The following PBX1 variants were observed in gnomAD, a reference collection of about 807,000 sequenced individuals.
PBX1 encodes PBX homeobox 1.
In PBX1, 6 loss-of-function variants were observed where a neutral mutation model predicts 53.4. The observed-to-expected ratio is 0.11, with a 90% CI of 0.06 to 0.22. The LOEUF (loss-of-function observed/expected upper bound fraction) is 0.22, where lower values mean the gene tolerates loss of function less well. Ranked by LOEUF, PBX1 falls within the 10% of genes least tolerant of loss-of-function variation. PBX1 has a pLI of 1.00. For synonymous variants in PBX1, 204 were observed against 212.3 expected, an observed-to-expected ratio of 0.96 and a Z score of 0.34; for missense variants, 251 against 551.4, an observed-to-expected ratio of 0.46 and a Z score of 5.46.
chr1:164,832,985 AAGG>A lies in PBX1; in HGVS notation c.1200+11362_1200+11364del, dbSNP rs549235784. On this transcript the variant is annotated intron_variant, in intron 8 of 8. Coordinates refer to ENST00000420696, the MANE Select transcript of PBX1 (RefSeq NM_002585.4). The stretch of plus-strand genomic sequence containing the variant: ...AATTAAAGAACAATTAAAAAACAAT[AAGG>A]AGAGAAAATTAACAGGCCAAAATGA... Among the ~76,000 whole-genome samples the A allele has an allele frequency of 2.0e-3, 299 of 152,262 alleles. 1 individual carries two copies. Among genetic ancestry groups the A allele is most frequent in the Middle Eastern group, 6.8e-3 (2 of 292 alleles).
chr1:164,588,881 C>T (rs1318277617), intron 2 of PBX1, among the ~76,000 whole-genome samples: 3 of 152,096 alleles, frequency 2.0e-5, no homozygotes, highest in East Asian at 1.9e-4. Context: ...GAGGCTGTTT[C>T]TACCCTCCTA....
chr1:164,690,125 T>A (rs895131896), intron 2 of PBX1, among the ~76,000 whole-genome samples: 1 of 152,200 alleles, frequency 6.6e-6, no homozygotes, highest in Non-Finnish European at 1.5e-5. Context: ...ATTACATGCA[T>A]CCTGACCGGC....
intron 2 of PBX1, among the ~76,000 whole-genome samples, chr1:164,598,170 TGTATCCATTC>T (rs1655895744): frequency 3.3e-5 from 5 of 152,232 alleles, no homozygotes; most frequent in Non-Finnish European, 7.3e-5. Context: ...TTAATCCATT[TGTATCCATTC>T]GTGAGGGCAG....
At chr1:164,655,459 A>G (rs74881445) in intron 2 of PBX1, among the ~76,000 whole-genome samples, 2 of 144,488 alleles carry the variant, frequency 1.4e-5, no homozygotes, top group Non-Finnish European at 3.2e-5. Flanking sequence ...GCACCATGCT[A>G]TGGGAGTGTG....
At chr1:164,652,733 T>C (rs1388683350) in intron 2 of PBX1, among the ~76,000 whole-genome samples, 1 of 152,158 alleles carries the variant, frequency 6.6e-6, no homozygotes, top group African/African-American at 2.4e-5. Context: ...ACCTAAAATA[T>C]ACAGTTTGAA....
intron 4 of PBX1, among the ~76,000 whole-genome samples, chr1:164,801,905 C>T (rs1669096036): frequency 6.6e-6 from 1 of 152,198 alleles, no homozygotes. Context: ...TGCCAGACAT[C>T]CTGATTGGGG....
intron 2 of PBX1, among the ~76,000 whole-genome samples, chr1:164,869,482 T>C (rs1488264516): frequency 2.0e-5 from 3 of 152,160 alleles, no homozygotes; most frequent in African/African-American, 4.8e-5. Flanking sequence ...GAATCTCACA[T>C]TGAAGCTTCT....
chr1:164,653,627 A>G (rs1451433794), intron 2 of PBX1, among the ~76,000 whole-genome samples: 1 of 152,144 alleles, frequency 6.6e-6, no homozygotes, highest in African/African-American at 2.4e-5. Context: ...AAAATTAGCC[A>G]GGCGTGGTGG....
At chr1:164,662,805 T>C (rs947363357) in intron 2 of PBX1, among the ~76,000 whole-genome samples, 2 of 150,298 alleles carry the variant, frequency 1.3e-5, no homozygotes, top group Non-Finnish European at 3.0e-5. Context: ...TATGTCATTA[T>C]GTGCATGCAT....
In PBX1 at chr1:164,833,197, A is replaced by AAAAAACAAAAAC. The variant is rs148178589; in HGVS notation, c.1200+11577_1200+11588dup. Among the ~76,000 whole-genome samples the AAAAAACAAAAAC allele has an allele frequency of 1.3e-3, 202 of 151,246 alleles. No homozygotes were observed. The Middle Eastern group carries it at 0.017, about 13-fold the overall frequency. On this transcript the variant is annotated intron_variant, in intron 8 of 8. Coordinates refer to ENST00000420696, the MANE Select transcript of PBX1 (RefSeq NM_002585.4). Reference sequence around the variant, plus strand: ...CAGGGCAATAACCCTCCCCTCGCTAAAAAAACAAAAACAAAAAAAAACAAA... The same window carrying AAAAAACAAAAAC: ...CAGGGCAATAACCCTCCCCTCGCTAAAAAAACAAAAACAAAAACAAAAACAAAAAAAAACAAA...
intron 1 of PBX1, 82 bp downstream of exon 1, chr1:164,560,095 C>A: frequency 2.0e-6 from 2 of 1,009,334 alleles, no homozygotes; most frequent in African/African-American, 1.7e-5. Context: ...GGAACCGAAT[C>A]ACCACAGCGC....
At chr1:164,698,756 A>G (rs1662934567) in intron 2 of PBX1, among the ~76,000 whole-genome samples, 1 of 152,256 alleles carries the variant, frequency 6.6e-6, no homozygotes, top group South Asian at 2.1e-4. Flanking sequence ...CAGACTATAT[A>G]CATGATAATC....
chr1:164,852,332 G>A (rs1671873361), downstream of PBX1, among the ~76,000 whole-genome samples: 1 of 152,156 alleles, frequency 6.6e-6, no homozygotes, highest in Non-Finnish European at 1.5e-5. Flanking sequence ...CCCAACAGAT[G>A]TGCATCTCTA....
At chr1:164,867,292 G>A (rs1428280654) in intron 2 of PBX1, among the ~76,000 whole-genome samples, 3 of 152,140 alleles carry the variant, frequency 2.0e-5, no homozygotes, top group Non-Finnish European at 1.5e-5. Context: ...CCCGACACAC[G>A]GCAGTTGTTC....
intron 2 of PBX1, among the ~76,000 whole-genome samples, chr1:164,575,403 A>G (rs1429363082): frequency 6.6e-6 from 1 of 152,160 alleles, no homozygotes; most frequent in Non-Finnish European, 1.5e-5. Flanking sequence ...AAGTTTATAT[A>G]TTTGTCTTGC....
chr1:164,695,277 G>A lies in PBX1; in HGVS notation c.266-97217G>A, dbSNP rs559308082. The stretch of plus-strand genomic sequence containing the variant: ...TGAGAATTATTCATTTTGGTCTGTA[G>A]GATGAAATCTAAACTCCTTTGCATA... On this transcript the variant is annotated intron_variant, in intron 2 of 8. Coordinates refer to ENST00000420696, the MANE Select transcript of PBX1 (RefSeq NM_002585.4). Among the ~76,000 whole-genome samples, 299 of 152,208 alleles carry A rather than the reference G, an allele frequency of 2.0e-3. 2 individuals are homozygous for A. Among genetic ancestry groups the A allele is most frequent in the Non-Finnish European group, 3.1e-3 (212 of 68,018 alleles).
chr1:164,761,764 G>A (rs370874806), intron 2 of PBX1, among the ~76,000 whole-genome samples: 21 of 152,290 alleles, frequency 1.4e-4, no homozygotes, highest in African/African-American at 5.1e-4. Context: ...TATTCTTATG[G>A]TCATTTTAGC....
At chr1:164,875,234 G>T (rs1315067164) in intron 2 of PBX1, among the ~76,000 whole-genome samples, 2 of 152,138 alleles carry the variant, frequency 1.3e-5, no homozygotes, top group Admixed American at 1.3e-4. Flanking sequence ...GCACGACTGG[G>T]CTGGGAAGCT....
At chr1:164,586,169 T>C (rs1296903781) in intron 2 of PBX1, among the ~76,000 whole-genome samples, 3 of 152,198 alleles carry the variant, frequency 2.0e-5, no homozygotes, top group African/African-American at 7.2e-5. Flanking sequence ...GGGTTTACAT[T>C]GGTGGACTGA....
Sources: gnomAD v4.1 joint callset for allele counts (sites outside exome capture counted in the v4.1 genomes callset) on GRCh38, gnomAD v4.1.1 for gene constraint, MANE v1.5 for transcripts, NCBI Gene and HGNC (gene_info 2026-07-23, HGNC 2026-07-21) for gene names.